SPATS2L: variants seen among roughly 807,000 people sequenced by gnomAD.
SPATS2L encodes the protein SPATS2-like protein.
In SPATS2L, 30 loss-of-function variants were observed where a neutral mutation model predicts 59.6. That is an observed-to-expected ratio of 0.50 (90% CI 0.38 to 0.68). The LOEUF (loss-of-function observed/expected upper bound fraction) is 0.68. Among genes scored for constraint, SPATS2L ranks in the 30% least tolerant of loss-of-function variants. The pLI, the probability that SPATS2L is intolerant of heterozygous loss-of-function variation, is 0.00. For missense variants in SPATS2L, 615 were observed against 700.0 expected, an observed-to-expected ratio of 0.88 and a Z score of 1.37; for synonymous variants, 252 against 263.5, an observed-to-expected ratio of 0.96 and a Z score of 0.42.
intron 6 of SPATS2L, among the ~76,000 whole-genome samples, chr2:200,430,358 T>C (rs10168564): frequency 0.038 from 5,754 of 152,234 alleles, 129 homozygotes; most frequent in African/African-American, 0.062. Flanking sequence ...TTTTTAAAGA[T>C]AATCATGGAT....
chr2:200,408,212 G>A (rs2082754379), intron 3 of SPATS2L, among the ~76,000 whole-genome samples: 1 of 152,202 alleles, frequency 6.6e-6, no homozygotes, highest in South Asian at 2.1e-4. Context: ...AGCCCGGCCT[G>A]GGGGTGGGGG....
chr2:200,328,239 A>G (rs541137894), intron 1 of SPATS2L, among the ~76,000 whole-genome samples: 10 of 152,180 alleles, frequency 6.6e-5, no homozygotes, highest in African/African-American at 2.2e-4. Flanking sequence ...GGTTGCCAAG[A>G]TTTCATAGGA....
At chr2:200,470,767 T>C (rs979694245) in intron 11 of SPATS2L, among the ~76,000 whole-genome samples, 6 of 152,246 alleles carry the variant, frequency 3.9e-5, no homozygotes, top group Non-Finnish European at 8.8e-5. Context: ...CTACACTGCA[T>C]ACATATATAG....
At chr2:200,440,516 C>A (rs2084625129) in intron 7 of SPATS2L, 133 bp from the exon 8 acceptor site, 3 of 854,876 alleles carry the variant, frequency 3.5e-6, no homozygotes, top group Admixed American at 5.5e-5. Flanking sequence ...TACAAACATT[C>A]TCCTGATGGA....
intron 6 of SPATS2L, among the ~76,000 whole-genome samples, chr2:200,430,110 AT>A (rs2083819749): frequency 6.6e-6 from 1 of 152,120 alleles, no homozygotes; most frequent in Non-Finnish European, 1.5e-5. Flanking sequence ...TGGTGGTTTG[AT>A]TTACACACCT....
chr2:200,396,782 A>T (rs959717927), intron 3 of SPATS2L, among the ~76,000 whole-genome samples: 44 of 152,354 alleles, frequency 2.9e-4, no homozygotes, highest in African/African-American at 9.4e-4. Flanking sequence ...GGAGTGTAGA[A>T]GTCAATTTAG....
intron 2 of SPATS2L, among the ~76,000 whole-genome samples, chr2:200,354,886 C>G (rs2080861535): frequency 6.6e-6 from 1 of 152,080 alleles, no homozygotes; most frequent in South Asian, 2.1e-4. Flanking sequence ...CCTGAACAAA[C>G]CAGATTTTAA....
At position 200,480,184 on chromosome 2, in the gene SPATS2L, A is replaced by C. The variant is rs1183359119; in HGVS notation, c.*2153A>C. On this transcript the variant is annotated 3_prime_UTR_variant, in exon 13 of 13. Coordinates refer to ENST00000409140, the MANE Select transcript of SPATS2L (RefSeq NM_001100423.2). ...GTTCACCTGCCTTTGTCAGAGTTGA[A>C]CCCAACCACTCTTGACCTCGACTCA... 2 of 154,620 alleles carry C rather than the reference A, an allele frequency of 1.3e-5. No homozygotes were observed. Among genetic ancestry groups the C allele is most frequent in the African/African-American group, 4.8e-5 (2 of 41,504 alleles). 9.6% of individuals were successfully genotyped at this position (154,620 alleles called of 1,614,324 possible).
At chr2:200,318,974 A>G (rs2079469967) in intron 1 of SPATS2L, among the ~76,000 whole-genome samples, 1 of 152,128 alleles carries the variant, frequency 6.6e-6, no homozygotes, top group African/African-American at 2.4e-5. Context: ...TTGTGATTGG[A>G]CCAATACTCC....
At chr2:200,349,215 T>C (rs1296622329) in intron 2 of SPATS2L, among the ~76,000 whole-genome samples, 2 of 152,206 alleles carry the variant, frequency 1.3e-5, no homozygotes, top group African/African-American at 4.8e-5. Flanking sequence ...TCTGTCACTT[T>C]AGACCTTCTG....
At chr2:200,451,328 A>C (rs938416603) in intron 8 of SPATS2L, among the ~76,000 whole-genome samples, 1 of 152,078 alleles carries the variant, frequency 6.6e-6, no homozygotes, top group African/African-American at 2.4e-5. Context: ...CCCTGTCTCA[A>C]AAAGAAAGTT....
chr2:200,382,852 T>A (rs1405471702), intron 2 of SPATS2L, among the ~76,000 whole-genome samples: 1 of 152,214 alleles, frequency 6.6e-6, no homozygotes, highest in East Asian at 1.9e-4. Flanking sequence ...CTAATTATTA[T>A]TAATAATATA....
chr2:200,392,985 T>G (rs2082215988), intron 3 of SPATS2L: 1 of 338,444 alleles, frequency 3.0e-6, no homozygotes, highest in African/African-American at 2.2e-5. Context: ...CTTTACAAAC[T>G]TATTGGCCAT....
At chr2:200,392,902 G>T (rs1330946667) in intron 3 of SPATS2L, among the ~76,000 whole-genome samples, 1 of 152,334 alleles carries the variant, frequency 6.6e-6, no homozygotes, top group East Asian at 1.9e-4. Context: ...ACATTTGGGT[G>T]ACCAGAGGTC....
chr2:200,366,839 T>A lies in SPATS2L; in HGVS notation c.-22-22384T>A, dbSNP rs559909360. On this transcript the variant is annotated intron_variant, in intron 2 of 12. Coordinates refer to ENST00000409140, the MANE Select transcript of SPATS2L (RefSeq NM_001100423.2). ...AAGCTTATTACCATAGAAATCAAAA[T>A]CTTACCATATCTCAGGTACTTCTTG... Among the ~76,000 whole-genome samples the A allele has an allele frequency of 2.1e-3, 318 of 152,306 alleles. 1 individual carries two copies. The highest frequency in any genetic ancestry group is 4.1e-3 in the South Asian group (20 of 4,820).
At chr2:200,472,804 C>G in intron 11 of SPATS2L, 28 bp from the exon 12 acceptor site, 3 of 1,595,518 alleles carry the variant, frequency 1.9e-6, no homozygotes, top group African/African-American at 2.7e-5. Flanking sequence ...AGGTGCAGCT[C>G]GTAACACTGA....
At chr2:200,310,926 TTTG>T in intron 1 of SPATS2L, among the ~76,000 whole-genome samples, 1 of 152,232 alleles carries the variant, frequency 6.6e-6, no homozygotes, top group Admixed American at 6.5e-5. Context: ...TTTCTGCCCT[TTTG>T]TTTGCATCGT....
At chr2:200,396,798 C>T (rs994926213) in intron 3 of SPATS2L, among the ~76,000 whole-genome samples, 1 of 152,180 alleles carries the variant, frequency 6.6e-6, no homozygotes, top group Non-Finnish European at 1.5e-5. Context: ...TTTAGTCCAA[C>T]CCTTGGATTC....
intron 6 of SPATS2L, among the ~76,000 whole-genome samples, chr2:200,420,280 G>T (rs2083254794): frequency 6.7e-6 from 1 of 149,810 alleles, no homozygotes; most frequent in Non-Finnish European, 1.5e-5. Context: ...CCCATTTTTA[G>T]AACAAATGTT....
Sources: gnomAD v4.1 joint callset for allele counts (sites outside exome capture counted in the v4.1 genomes callset) on GRCh38, gnomAD v4.1.1 for gene constraint, MANE v1.5 for transcripts, NCBI Gene and HGNC (gene_info 2026-07-23, HGNC 2026-07-21) for gene names.